Variants in JMJD1C observed in about 807,000 individuals in gnomAD.
JMJD1C encodes the protein jumonji domain containing 1C, also known as jumonji domain-containing protein 1C.
In JMJD1C, 31 loss-of-function variants were observed where a neutral mutation model predicts 245.3. The observed-to-expected ratio is 0.13, with a 90% CI of 0.09 to 0.17. The LOEUF is 0.17. Ranked by LOEUF, JMJD1C falls within the 10% of genes least tolerant of loss-of-function variation. The pLI is 1.00. For synonymous variants in JMJD1C, 1,057 were observed against 1,017.4 expected, an observed-to-expected ratio of 1.04 and a Z score of -0.74; for missense variants, 2,691 against 3,000.2, an observed-to-expected ratio of 0.90 and a Z score of 2.41.
rs1855312720 is a variant in JMJD1C, at chr10:63,264,711, T to C, written c.387A>G (p.Glu129=). ...AATCCAGTTGCTTATCTACAAGGAATTCTACTGCAGTGACTGAACTGGGTA... is the reference window on the plus strand; with the variant it reads ...AATCCAGTTGCTTATCTACAAGGAACTCTACTGCAGTGACTGAACTGGGTA... ...RNIPSSVTAV[E]FLVDKQLDFL... is the part of the protein sequence containing the mutation. The change falls in exon 3 of 26, where the codon GAA becomes GAG. Residue 129 remains glutamate (E), a synonymous_variant. Coordinates refer to ENST00000399262, the MANE Select transcript of JMJD1C (RefSeq NM_032776.3). 6.2e-7 allele frequency: 1 copy of C among 1,602,612 alleles called. No individual in the cohort carries two copies. The highest frequency in any genetic ancestry group is 8.5e-7 in the Non-Finnish European group (1 of 1,174,360).
intron 24 of JMJD1C, among the ~76,000 whole-genome samples, chr10:63,175,216 G>C (rs748671598): frequency 2.4e-4 from 36 of 152,150 alleles, no homozygotes; most frequent in Non-Finnish European, 4.4e-4. Context: ...TTTCTGCTAA[G>C]AGTCTAGAAG....
intron 1 of JMJD1C, among the ~76,000 whole-genome samples, chr10:63,519,226 T>C (rs1955125404): frequency 6.6e-6 from 1 of 152,154 alleles, no homozygotes; most frequent in African/African-American, 2.4e-5. Flanking sequence ...CACAGCAGTC[T>C]AGGGACATTT....
At chr10:63,221,355 G>A (rs1848576708) in intron 3 of JMJD1C, among the ~76,000 whole-genome samples, 1 of 151,940 alleles carries the variant, frequency 6.6e-6, no homozygotes, top group African/African-American at 2.4e-5. Context: ...TGTATTTTTA[G>A]AATAGTATTG....
At chr10:63,379,040 T>A (rs1337560555) in intron 2 of JMJD1C, among the ~76,000 whole-genome samples, 1 of 152,100 alleles carries the variant, frequency 6.6e-6, no homozygotes, top group Non-Finnish European at 1.5e-5. Context: ...TCCTATCCTG[T>A]CTTTTTATTC....
chr10:63,272,246 C>T (rs1195282920), intron 2 of JMJD1C, among the ~76,000 whole-genome samples: 1 of 151,964 alleles, frequency 6.6e-6, no homozygotes, highest in Non-Finnish European at 1.5e-5. Context: ...ATGCATGATC[C>T]AGAAGGTAAC....
At chr10:63,441,462 C>T (rs1209999388) in intron 1 of JMJD1C, among the ~76,000 whole-genome samples, 1 of 152,096 alleles carries the variant, frequency 6.6e-6, no homozygotes, top group African/African-American at 2.4e-5. Flanking sequence ...ACGAAGTAAG[C>T]TAATACATAT....
At chr10:63,234,493 TAAAAAAAAA>T (rs71025129) in intron 3 of JMJD1C, among the ~76,000 whole-genome samples, 13 of 37,038 alleles carry the variant, frequency 3.5e-4, no homozygotes, top group African/African-American at 7.9e-4. Context: ...AACCTCCTCT[TAAAAAAAAA>T]AAAAAAAAAA....
chr10:63,414,378 A>G (rs569756588), intron 1 of JMJD1C, among the ~76,000 whole-genome samples: 28 of 152,246 alleles, frequency 1.8e-4, no homozygotes, highest in African/African-American at 6.0e-4. Flanking sequence ...CTTAAAATGT[A>G]TATTTTAGTC....
At chr10:63,270,403 A>G (rs1446940720) in intron 2 of JMJD1C, among the ~76,000 whole-genome samples, 1 of 151,878 alleles carries the variant, frequency 6.6e-6, no homozygotes, top group Non-Finnish European at 1.5e-5. Flanking sequence ...TCCTGACCTC[A>G]GGCTATCCAC....
chr10:63,396,065 T>C (rs9415703), intron 1 of JMJD1C, among the ~76,000 whole-genome samples: 3,504 of 152,152 alleles, frequency 0.023, 65 homozygotes, highest in Middle Eastern at 0.065. Flanking sequence ...AGTAAGTAAA[T>C]TTTACTCTAA....
chr10:63,291,455 A>C (rs1401175146), intron 2 of JMJD1C, among the ~76,000 whole-genome samples: 1 of 151,078 alleles, frequency 6.6e-6, no homozygotes, highest in Non-Finnish European at 1.5e-5. Context: ...CTCTACTAAA[A>C]ATACAAAAAA....
chr10:63,198,325 GTTAA>G (rs1257791382), intron 12 of JMJD1C, among the ~76,000 whole-genome samples, 184 bp downstream of exon 12: 2 of 152,148 alleles, frequency 1.3e-5, no homozygotes, highest in African/African-American at 4.8e-5. Context: ...TTCACAAATG[GTTAA>G]TTGACTCAAT....
At chr10:63,202,407 A>T in intron 10 of JMJD1C, 4 of 985,424 alleles carry the variant, frequency 4.1e-6, no homozygotes, top group Non-Finnish European at 4.8e-6. Flanking sequence ...AAAGAATAAA[A>T]CTGTATTTCC....
chr10:63,404,884 T>A (rs767243585), intron 1 of JMJD1C, among the ~76,000 whole-genome samples: 1 of 152,134 alleles, frequency 6.6e-6, no homozygotes, highest in African/African-American at 2.4e-5. Context: ...TGAAAAGAAA[T>A]AGCAACTACC....
intron 2 of JMJD1C, among the ~76,000 whole-genome samples, chr10:63,269,771 C>G (rs1014218604): frequency 1.3e-5 from 2 of 152,040 alleles, no homozygotes; most frequent in African/African-American, 4.8e-5. Flanking sequence ...ACAACTTAAC[C>G]TAGATAGTTC....
chr10:63,249,856 T>C (rs1293402594), intron 3 of JMJD1C, among the ~76,000 whole-genome samples: 3 of 147,936 alleles, frequency 2.0e-5, no homozygotes, highest in African/African-American at 5.1e-5. Context: ...TGAGACTCCA[T>C]CTTAAAAAAA....
rs1227319149 is a variant in JMJD1C, at chr10:63,215,589, G to A, written c.786C>T (p.Arg262=). ...KGENIGITSR[R]RSRANQNVNA... is the part of the protein sequence containing the mutation. Reference sequence around the variant, plus strand: ...TGACGTTTTGATTGGCACGAGACCTGCGTCGTGATGTAATGCCAATATTTT... The same window carrying A: ...TGACGTTTTGATTGGCACGAGACCTACGTCGTGATGTAATGCCAATATTTT... Residue 262 remains arginine, a synonymous_variant, in exon 6 of 26, where the codon CGC becomes CGT. Transcript: ENST00000399262. 6.2e-7 allele frequency: 1 copy of A among 1,610,692 alleles called. No individual in the cohort carries two copies.
intron 2 of JMJD1C, among the ~76,000 whole-genome samples, chr10:63,273,346 C>T (rs1316356041): frequency 2.0e-5 from 3 of 152,102 alleles, no homozygotes; most frequent in Admixed American, 6.6e-5. Flanking sequence ...TAAGTGCCAC[C>T]ATATCTGGCT....
chr10:63,506,859 A>G (rs1413354682), intron 1 of JMJD1C, among the ~76,000 whole-genome samples: 1 of 152,224 alleles, frequency 6.6e-6, no homozygotes, highest in Non-Finnish European at 1.5e-5. Flanking sequence ...AATGACATGT[A>G]TGCACTATTA....
Sources: gnomAD v4.1 joint callset for allele counts (sites outside exome capture counted in the v4.1 genomes callset) on GRCh38, gnomAD v4.1.1 for gene constraint, MANE v1.5 for transcripts, NCBI Gene and HGNC (gene_info 2026-07-23, HGNC 2026-07-21) for gene names.